Variants in SDK1 observed in about 807,000 individuals in gnomAD.
SDK1 encodes protein sidekick-1.
SDK1 carries 157 observed loss-of-function variants against 245.5 expected under a neutral mutation model. The ratio of observed to expected loss-of-function variants is 0.64; its 90% CI spans 0.56 to 0.73. SDK1 has a LOEUF of 0.73. Ranked by LOEUF, SDK1 falls within the 30% of genes least tolerant of loss-of-function variation. SDK1 has a pLI of 0.00. For synonymous variants in SDK1, 1,647 were observed against 1,278.5 expected (o/e 1.29, Z -6.15); for missense variants, 3,583 against 3,002.3 (o/e 1.19, Z -4.52).
chr7:3,705,097 A>G (rs1365265162), intron 4 of SDK1, among the ~76,000 whole-genome samples: 1 of 152,120 alleles, frequency 6.6e-6, no homozygotes, highest in Non-Finnish European at 1.5e-5. Flanking sequence ...GTAGTTTTGT[A>G]GTATAATTTG....
rs1283673481 is a variant in SDK1 at position 3,655,501 on chromosome 7, ATATG to A, written c.713+13408_713+13411del. On this transcript the variant is annotated intron_variant, in intron 4 of 44. Coordinates refer to ENST00000404826, the MANE Select transcript of SDK1 (RefSeq NM_152744.4). ...TATATATATATATATATATATATATATATGTATGTATGTATATAAAATGTGCTAG... is the reference window on the plus strand; with the variant it reads ...TATATATATATATATATATATATATATATGTATGTATATAAAATGTGCTAG... 7.7e-3 allele frequency among the ~76,000 whole-genome samples: 405 copies of A among 52,682 alleles called. 31 individuals carry two copies. Among genetic ancestry groups the A allele is most frequent in the East Asian group, 0.018 (22 of 1,198 alleles). The allele number at this position is 52,682 out of a possible 152,430, so 34.6% of individuals were successfully genotyped here.
At chr7:3,453,570 A>G (rs1780584714) in intron 1 of SDK1, among the ~76,000 whole-genome samples, 1 of 152,192 alleles carries the variant, frequency 6.6e-6, no homozygotes, top group Non-Finnish European at 1.5e-5. Flanking sequence ...CAGAGATTGC[A>G]GTGGCGACCA....
intron 1 of SDK1, among the ~76,000 whole-genome samples, chr7:3,497,073 G>A (rs1400165302): frequency 6.6e-6 from 1 of 152,118 alleles, no homozygotes; most frequent in African/African-American, 2.4e-5. Flanking sequence ...AGTTAAAATT[G>A]TTCTAGAGAA....
At chr7:3,704,055 T>C (rs1035315504) in intron 4 of SDK1, among the ~76,000 whole-genome samples, 2 of 152,138 alleles carry the variant, frequency 1.3e-5, no homozygotes, top group African/African-American at 4.8e-5. Flanking sequence ...TCCTCCCCTT[T>C]CTGAGTTCCC....
At chr7:3,630,937 A>G (rs1046835230) in intron 2 of SDK1, among the ~76,000 whole-genome samples, 1 of 151,198 alleles carries the variant, frequency 6.6e-6, no homozygotes, top group African/African-American at 2.4e-5. Flanking sequence ...TCTCTACAAG[A>G]TTTTTTTTTG....
At chr7:3,897,884 TTTCTC>T in intron 5 of SDK1, among the ~76,000 whole-genome samples, 1 of 152,264 alleles carries the variant, frequency 6.6e-6, no homozygotes, top group South Asian at 2.1e-4. Context: ...TTTCTTATCT[TTTCTC>T]TCATCTTTTA....
rs116341962 is a variant in SDK1, at chr7:3,600,948, G to C, written c.299-18132G>C. Among the ~76,000 whole-genome samples the C allele has an allele frequency of 4.1e-3, 631 of 152,188 alleles. 4 individuals are homozygous for C. The highest frequency in any genetic ancestry group is 0.014 in the African/African-American group (588 of 41,534). ...TTTAAGATCATGAATGTTGTATTTTGTCAAATGCTTTTTCTGCCTCAATTG... is the reference window on the plus strand; with the variant it reads ...TTTAAGATCATGAATGTTGTATTTTCTCAAATGCTTTTTCTGCCTCAATTG... On this transcript the variant is annotated intron_variant, in intron 1 of 44. Transcript: ENST00000404826.
intron 1 of SDK1, among the ~76,000 whole-genome samples, chr7:3,411,432 A>C (rs1028928989): frequency 6.6e-6 from 1 of 152,216 alleles, no homozygotes; most frequent in Non-Finnish European, 1.5e-5. Context: ...TAGATGAATC[A>C]GGAACTGAAA....
In SDK1 at chr7:4,266,841, C is replaced by G. The variant is rs1406168891; in HGVS notation, c.*1457C>G. On this transcript the variant is annotated 3_prime_UTR_variant, in exon 45 of 45. Coordinates refer to ENST00000404826, the MANE Select transcript of SDK1 (RefSeq NM_152744.4). ...CTCACCAGCAGCAGCGTGACACACACAAGACTCAAGACCACCCTGTCAGTG... is the reference window on the plus strand; with the variant it reads ...CTCACCAGCAGCAGCGTGACACACAGAAGACTCAAGACCACCCTGTCAGTG... 1 of 985,570 alleles carries G rather than the reference C, an allele frequency of 1.0e-6. No individual in the cohort carries two copies. The highest frequency in any genetic ancestry group is 1.1e-4 in the East Asian group (1 of 8,802). The allele number at this position is 985,570 out of a possible 1,614,324, so 61.1% of individuals were successfully genotyped here.
At chr7:4,214,186 AC>A (rs1181804169) in intron 38 of SDK1, among the ~76,000 whole-genome samples, 1 of 151,866 alleles carries the variant, frequency 6.6e-6, no homozygotes, top group Non-Finnish European at 1.5e-5. Context: ...CAAGGCCTAA[AC>A]TGCTCCATGA....
At chr7:3,950,171 G>A (rs991145539) in intron 5 of SDK1, among the ~76,000 whole-genome samples, 16 of 152,326 alleles carry the variant, frequency 1.1e-4, no homozygotes, top group African/African-American at 3.1e-4. Flanking sequence ...AACCATGCCC[G>A]GTAGGACAGG....
intron 5 of SDK1, among the ~76,000 whole-genome samples, chr7:3,894,963 G>C (rs925178975): frequency 5.3e-5 from 8 of 152,052 alleles, no homozygotes; most frequent in Non-Finnish European, 1.2e-4. Context: ...TTACAGGTGT[G>C]AGCCACTGAG....
Position 3,478,302 on chromosome 7 carries a change from G to A in SDK1, c.299-140778G>A, listed in dbSNP as rs528377898. On this transcript the variant is annotated intron_variant, in intron 1 of 44. Coordinates refer to ENST00000404826, the MANE Select transcript of SDK1 (RefSeq NM_152744.4). ...TTTATAAATTTTATAAATGATGAGAGTGTTGACTTATTTTTTGAGATAGAT... is the reference window on the plus strand; with the variant it reads ...TTTATAAATTTTATAAATGATGAGAATGTTGACTTATTTTTTGAGATAGAT... Among the ~76,000 whole-genome samples, 4 of 152,040 alleles carry A rather than the reference G, an allele frequency of 2.6e-5. No homozygotes were observed. In the East Asian group the frequency reaches 5.8e-4, roughly 22 times the overall value.
intron 5 of SDK1, among the ~76,000 whole-genome samples, chr7:3,936,335 A>C (rs962867073): frequency 1.3e-5 from 2 of 152,094 alleles, no homozygotes; most frequent in Non-Finnish European, 2.9e-5. Context: ...TAATCCCAGC[A>C]CTTTGGGAGG....
chr7:3,563,401 A>T (rs148218694), intron 1 of SDK1, among the ~76,000 whole-genome samples: 1 of 152,234 alleles, frequency 6.6e-6, no homozygotes, highest in African/African-American at 2.4e-5. Flanking sequence ...AAATAAAAGG[A>T]TGGAAGAGAG....
intron 4 of SDK1, among the ~76,000 whole-genome samples, chr7:3,648,778 G>A (rs912348401): frequency 2.6e-5 from 4 of 152,078 alleles, no homozygotes; most frequent in African/African-American, 7.2e-5. Flanking sequence ...TGTGTGAACC[G>A]AGCCATATTT....
chr7:3,403,840 TATATATATATATATATATATATATATATA>T (rs1207953818), intron 1 of SDK1, among the ~76,000 whole-genome samples: 23 of 64,380 alleles, frequency 3.6e-4, no homozygotes, highest in South Asian at 3.5e-3. Context: ...TATATATATA[TATATATATATATATATATATATATATATA>T]ATATATATAT....
intron 44 of SDK1, among the ~76,000 whole-genome samples, chr7:4,253,070 G>A (rs1446296042): frequency 3.3e-5 from 5 of 151,824 alleles, no homozygotes; most frequent in Non-Finnish European, 4.4e-5. Flanking sequence ...GTTCATCTTT[G>A]CAAAGAACCA....
At chr7:3,598,175 T>G (rs1781130042) in intron 1 of SDK1, among the ~76,000 whole-genome samples, 1 of 152,232 alleles carries the variant, frequency 6.6e-6, no homozygotes, top group Non-Finnish European at 1.5e-5. Flanking sequence ...CATGTGCTCG[T>G]GGGCTGTTTG....
Sources: gnomAD v4.1 joint callset for allele counts (sites outside exome capture counted in the v4.1 genomes callset) on GRCh38, gnomAD v4.1.1 for gene constraint, MANE v1.5 for transcripts, NCBI Gene and HGNC (gene_info 2026-07-23, HGNC 2026-07-21) for gene names.